The following RNF111 variants were observed in gnomAD, a reference collection of about 807,000 sequenced individuals.
RNF111 encodes ring finger protein 111, also known as E3 ubiquitin-protein ligase Arkadia.
In RNF111, 17 loss-of-function variants were observed where a neutral mutation model predicts 95.1. That is an observed-to-expected ratio of 0.18 (90% CI 0.12 to 0.27). The LOEUF (loss-of-function observed/expected upper bound fraction) is 0.27, where lower values mean the gene tolerates loss of function less well. Among genes scored for constraint, RNF111 ranks in the 10% least tolerant of loss-of-function variants. The probability of loss-of-function intolerance (pLI) is 1.00; values close to 1 mark genes in which losing one functional copy is unlikely to be tolerated. For synonymous variants in RNF111, 440 were observed against 414.8 expected (o/e 1.06, Z -0.74); for missense variants, 1,189 against 1,210.4 (o/e 0.98, Z 0.26).
At chr15:59,092,872 C>T (rs1451559851) in intron 13 of RNF111, among the ~76,000 whole-genome samples, 1 of 152,126 alleles carries the variant, frequency 6.6e-6, no homozygotes. Flanking sequence ...TGATGGTGTG[C>T]ACCTGCAGTG....
Position 59,066,842 on chromosome 15 carries a change from C to T in RNF111, c.1445C>T (p.Pro482Leu), listed in dbSNP as rs769011436. Reference protein sequence around the residue: ...PAMPRLPSCCPQHSPCGGSSQ... With the variant: ...PAMPRLPSCCLQHSPCGGSSQ... ...ATGCCAAGGTTACCTTCCTGCTGTCCCCAGCACTCACCATGTGGAGGGTCG... is the reference window on the plus strand; with the variant it reads ...ATGCCAAGGTTACCTTCCTGCTGTCTCCAGCACTCACCATGTGGAGGGTCG... The change falls in exon 6 of 14, where the codon CCC becomes CTC. Residue 482 changes from proline to leucine, a missense_variant. Physicochemically the swap from Pro to Leu is moderately conservative, Grantham distance 98. This residue lies in a region of RNF111 where 1,024 missense variants were observed against 925.9 expected (regional missense o/e 1.11). Coordinates refer to ENST00000348370, the MANE Select transcript of RNF111 (RefSeq NM_017610.8). 12 of 1,614,024 alleles carry T rather than the reference C, an allele frequency of 7.4e-6. No homozygotes were observed. Among genetic ancestry groups the T allele is most frequent in the Admixed American group, 1.7e-5 (1 of 60,000 alleles).
chr15:59,062,051 CTTTTT>C lies in RNF111; in HGVS notation c.1366+3516_1366+3520del, dbSNP rs71119429. ...TGACCACTATATTTGTTTTAAACTTCTTTTTTTTTTTTTTTTTTTCCCCGAGACAG... is the reference window on the plus strand; with the variant it reads ...TGACCACTATATTTGTTTTAAACTTCTTTTTTTTTTTTTTCCCCGAGACAG... On this transcript the variant is annotated intron_variant, in intron 5 of 13. Coordinates refer to ENST00000348370, the MANE Select transcript of RNF111 (RefSeq NM_017610.8). 1.5e-3 allele frequency among the ~76,000 whole-genome samples: 186 copies of C among 122,258 alleles called. 1 individual carries two copies. The highest frequency in any genetic ancestry group is 2.3e-3 in the East Asian group (10 of 4,282). The allele number at this position is 122,258 out of a possible 152,430, so 80.2% of individuals were successfully genotyped here.
intron 2 of RNF111, among the ~76,000 whole-genome samples, chr15:59,038,328 A>G (rs1247028114): frequency 6.6e-5 from 10 of 152,156 alleles, no homozygotes; most frequent in Non-Finnish European, 1.5e-5. Flanking sequence ...GTATATATAT[A>G]TATTTTCCAT....
chr15:58,991,980 C>G (rs2038837151), intron 1 of RNF111, among the ~76,000 whole-genome samples: 1 of 152,088 alleles, frequency 6.6e-6, no homozygotes, highest in Non-Finnish European at 1.5e-5. Flanking sequence ...AAGAAAATGA[C>G]CACTTTTTAT....
At chr15:58,994,406 T>G (rs1369819448) in intron 1 of RNF111, among the ~76,000 whole-genome samples, 1 of 151,940 alleles carries the variant, frequency 6.6e-6, no homozygotes, top group African/African-American at 2.4e-5. Flanking sequence ...CTGAGAACTC[T>G]TGAATACTCA....
chr15:59,070,351 C>T (rs1191956379), intron 6 of RNF111, among the ~76,000 whole-genome samples: 2 of 151,918 alleles, frequency 1.3e-5, no homozygotes, highest in East Asian at 1.9e-4. Context: ...TTTAATTTTA[C>T]CCTCAGTTTC....
chr15:59,086,122 C>G (rs549822575), intron 10 of RNF111, among the ~76,000 whole-genome samples: 1 of 151,892 alleles, frequency 6.6e-6, no homozygotes, highest in Non-Finnish European at 1.5e-5. Context: ...ACTTGATTTT[C>G]TTTTTTCTTT....
At chr15:59,086,499 G>A (rs1318062985) in intron 10 of RNF111, among the ~76,000 whole-genome samples, 3 of 152,190 alleles carry the variant, frequency 2.0e-5, no homozygotes, top group South Asian at 2.1e-4. Flanking sequence ...AGTGCTAAAG[G>A]ACAAGTTCAG....
intron 2 of RNF111, among the ~76,000 whole-genome samples, chr15:59,038,681 A>G (rs2141841268): frequency 6.6e-6 from 1 of 152,278 alleles, no homozygotes; most frequent in African/African-American, 2.4e-5. Context: ...TTACTCATAG[A>G]CACTTCAACA....
At chr15:59,022,819 C>G (rs1596110331) in intron 1 of RNF111, among the ~76,000 whole-genome samples, 2 of 152,208 alleles carry the variant, frequency 1.3e-5, no homozygotes, top group African/African-American at 2.4e-5. Flanking sequence ...CCTTCCTGCT[C>G]TCTACCTAGA....
At chr15:59,064,739 C>G (rs80192488) in intron 5 of RNF111, among the ~76,000 whole-genome samples, 2 of 151,854 alleles carry the variant, frequency 1.3e-5, no homozygotes, top group African/African-American at 2.4e-5. Context: ...ATAGGCCAGA[C>G]TAGCAGCTTG....
chr15:59,043,032 G>A (rs1192806843), intron 2 of RNF111, among the ~76,000 whole-genome samples: 2 of 152,028 alleles, frequency 1.3e-5, no homozygotes, highest in African/African-American at 4.8e-5. Flanking sequence ...ATTTGTTGAT[G>A]TCTAGTTTTG....
intron 8 of RNF111, among the ~76,000 whole-genome samples, chr15:59,083,277 T>C (rs1357461736): frequency 2.0e-5 from 3 of 152,120 alleles, no homozygotes; most frequent in Non-Finnish European, 4.4e-5. Context: ...GTTGGGCACA[T>C]TGGCTCATGT....
intron 1 of RNF111, among the ~76,000 whole-genome samples, chr15:59,005,193 T>C (rs2039484618): frequency 6.6e-6 from 1 of 152,342 alleles, no homozygotes; most frequent in Non-Finnish European, 1.5e-5. Context: ...CTTTAGTACA[T>C]ACTGTTTGTT....
chr15:59,029,339 C>T (rs1342727005), intron 1 of RNF111, among the ~76,000 whole-genome samples: 1 of 152,182 alleles, frequency 6.6e-6, no homozygotes, highest in Non-Finnish European at 1.5e-5. Flanking sequence ...TGGCTGCCTT[C>T]TGTAATTTGC....
chr15:59,081,480 G>T (rs1256333288), intron 8 of RNF111, among the ~76,000 whole-genome samples, 196 bp downstream of exon 8: 4 of 150,920 alleles, frequency 2.7e-5, no homozygotes, highest in African/African-American at 4.9e-5. Flanking sequence ...ACTGTTTTTT[G>T]TTGTTGTTGT....
chr15:59,054,021 C>T (rs1203523963), intron 3 of RNF111, among the ~76,000 whole-genome samples: 18 of 152,222 alleles, frequency 1.2e-4, no homozygotes, highest in Admixed American at 9.2e-4. Context: ...CCGCAGCCTC[C>T]ATCTCCTGGG....
chr15:59,012,182 C>T (rs1425182852), intron 1 of RNF111, among the ~76,000 whole-genome samples: 1 of 151,676 alleles, frequency 6.6e-6, no homozygotes, highest in Non-Finnish European at 1.5e-5. Flanking sequence ...CCACACCCGG[C>T]TGATTTTTGT....
At chr15:59,023,484 C>G (rs949128221) in intron 1 of RNF111, among the ~76,000 whole-genome samples, 1 of 152,030 alleles carries the variant, frequency 6.6e-6, no homozygotes, top group Admixed American at 6.6e-5. Context: ...TTCTAACTAG[C>G]TACTGTTTGT....
Sources: allele counts gnomAD v4.1 joint callset (sites outside exome capture counted in the v4.1 genomes callset), GRCh38; gene constraint gnomAD v4.1.1; regional missense constraint gnomAD v4.1.1; transcripts MANE v1.5; gene names NCBI Gene and HGNC (gene_info 2026-07-23, HGNC 2026-07-21).